Variants in ACER1 observed in about 807,000 individuals in gnomAD.
ACER1 encodes alkaline ceramidase 1, also known as CTB-180A7.3.
ACER1 carries 28 observed loss-of-function variants against 24.9 expected under a neutral mutation model. The observed-to-expected ratio is 1.13, with a 90% confidence interval of 0.83 to 1.54. The LOEUF (loss-of-function observed/expected upper bound fraction) is 1.54, where lower values mean the gene tolerates loss of function less well. Among genes scored for constraint, ACER1 ranks in the 40% most tolerant of loss-of-function variants. The pLI, the probability that ACER1 is intolerant of heterozygous loss-of-function variation, is 0.00. For synonymous variants in ACER1, 132 were observed against 131.4 expected, an observed-to-expected ratio of 1.00 and a Z score of -0.03; for missense variants, 352 against 349.3, an observed-to-expected ratio of 1.01 and a Z score of -0.06.
chr19:6,331,216 C>G (rs1021227529), intron 1 of ACER1, among the ~76,000 whole-genome samples: 8 of 145,236 alleles, frequency 5.5e-5, no homozygotes, highest in Non-Finnish European at 1.2e-4. Context: ...GTGACACAAT[C>G]TTGGCTCACT....
chr19:6,335,900 TC>T (rs2091712629), upstream of ACER1, among the ~76,000 whole-genome samples: 1 of 147,722 alleles, frequency 6.8e-6, no homozygotes, highest in Non-Finnish European at 1.5e-5. Context: ...TTTTTCTTTT[TC>T]TTTTCTTTTT....
chr19:6,342,704 G>A, the ACER1 span, among the ~76,000 whole-genome samples: 8,587 of 151,826 alleles, frequency 0.057, 401 homozygotes, highest in African/African-American at 0.13. Flanking sequence ...GAGCAACAGA[G>A]CAAGACTCAA....
At chr19:6,329,285 G>A (rs1264735532) in intron 1 of ACER1, among the ~76,000 whole-genome samples, 1 of 151,968 alleles carries the variant, frequency 6.6e-6, no homozygotes, top group Admixed American at 6.6e-5. Flanking sequence ...GAAGGTCTTG[G>A]GGAAGCCCTT....
chr19:6,340,152 G>A, the ACER1 span, among the ~76,000 whole-genome samples: 4 of 151,302 alleles, frequency 2.6e-5, no homozygotes, highest in Admixed American at 6.6e-5. Flanking sequence ...GTGGTGGTGC[G>A]TGCCTGTAAT....
Position 6,309,750 on chromosome 19 carries a change from G to A in ACER1, c.435C>T (p.Ala145=). 1 of 1,614,114 alleles carries A rather than the reference G, an allele frequency of 6.2e-7. No homozygotes were observed. The highest frequency in any genetic ancestry group is 8.5e-7 in the Non-Finnish European group (1 of 1,180,014). ...GAATGTGCAGGGCAATGCTGTTGAG[G>A]GCGTAGGCGTTGACCGTGGGCCGCA... The part of the protein sequence containing the change: ...SFLRPTVNAY[A]LNSIALHILY... Residue 145 remains alanine (A), a synonymous_variant, in exon 4 of 6, where the codon GCC becomes GCT. Transcript: ENST00000301452.
chr19:6,354,024 A>T, the ACER1 span, among the ~76,000 whole-genome samples: 3 of 151,448 alleles, frequency 2.0e-5, no homozygotes, highest in African/African-American at 7.3e-5. Context: ...TCTACTAAAA[A>T]TACAAAAATT....
chr19:6,321,961 G>A (rs1208930306), intron 1 of ACER1, among the ~76,000 whole-genome samples: 1 of 152,104 alleles, frequency 6.6e-6, no homozygotes, highest in East Asian at 1.9e-4. Context: ...AGAGCCTGGA[G>A]CAGAGCCTGG....
At chr19:6,323,733 A>C (rs2091644624) in intron 1 of ACER1, among the ~76,000 whole-genome samples, 1 of 152,214 alleles carries the variant, frequency 6.6e-6, no homozygotes, top group Non-Finnish European at 1.5e-5. Flanking sequence ...GGCACACCAG[A>C]GGCGTCCAGT....
intron 1 of ACER1, among the ~76,000 whole-genome samples, chr19:6,332,059 T>A (rs1021011936): frequency 6.6e-6 from 1 of 150,476 alleles, no homozygotes. Flanking sequence ...CTCCGCCTCC[T>A]GGGTTCAAGC....
At chr19:6,358,441 C>A in the ACER1 span, among the ~76,000 whole-genome samples, 1 of 152,108 alleles carries the variant, frequency 6.6e-6, no homozygotes, top group Non-Finnish European at 1.5e-5. Flanking sequence ...GCAGTCCCCT[C>A]GAGGTTACAG....
intron 4 of ACER1, 85 bp from the exon 5 acceptor site, chr19:6,307,375 T>C (rs1200589163): frequency 6.7e-7 from 1 of 1,496,666 alleles, no homozygotes. Context: ...TCCACAGTGA[T>C]GAGGCTCAGA....
intron 1 of ACER1, among the ~76,000 whole-genome samples, chr19:6,320,620 C>T (rs1426272069): frequency 6.6e-6 from 1 of 152,042 alleles, no homozygotes; most frequent in East Asian, 1.9e-4. Flanking sequence ...CCAAAATGCA[C>T]ACAATTAATT....
upstream of ACER1, among the ~76,000 whole-genome samples, chr19:6,334,847 T>C (rs886495033): frequency 2.6e-5 from 4 of 151,516 alleles, no homozygotes; most frequent in African/African-American, 7.3e-5. Context: ...GTTTTCTTTT[T>C]TTTTTTGAGA....
intron 1 of ACER1, among the ~76,000 whole-genome samples, chr19:6,333,134 C>T (rs937436951): frequency 6.6e-6 from 1 of 152,098 alleles, no homozygotes; most frequent in African/African-American, 2.4e-5. Flanking sequence ...CTGCCTCCCC[C>T]TACCACAGCT....
chr19:6,337,518 ATC>A (rs1353689971), upstream of ACER1, among the ~76,000 whole-genome samples: 2 of 148,364 alleles, frequency 1.3e-5, no homozygotes, highest in East Asian at 4.0e-4. Context: ...CAATGGCATG[ATC>A]TCGGCTCACT....
chr19:6,357,511 C>T, the ACER1 span, among the ~76,000 whole-genome samples: 6 of 151,962 alleles, frequency 3.9e-5, no homozygotes, highest in Non-Finnish European at 8.8e-5. Flanking sequence ...GTGGTTCACA[C>T]CTGTAATCTG....
chr19:6,313,470 C>A (rs914519334), intron 1 of ACER1, among the ~76,000 whole-genome samples: 2 of 152,196 alleles, frequency 1.3e-5, no homozygotes, highest in Admixed American at 6.6e-5. Flanking sequence ...ACACAGCTTA[C>A]CCAGTGAAAG....
the ACER1 span, among the ~76,000 whole-genome samples, chr19:6,339,362 C>T: frequency 1.2e-4 from 18 of 152,026 alleles, no homozygotes; most frequent in East Asian, 3.3e-3. Context: ...ATAAGCCAGA[C>T]ATAAAAGGAC....
At chr19:6,341,777 C>T in the ACER1 span, among the ~76,000 whole-genome samples, 11 of 152,094 alleles carry the variant, frequency 7.2e-5, no homozygotes, top group African/African-American at 1.9e-4. Flanking sequence ...TACAGGCACC[C>T]GCCACCATGC....
Sources: gnomAD v4.1 joint callset for allele counts (sites outside exome capture counted in the v4.1 genomes callset) on GRCh38, gnomAD v4.1.1 for gene constraint, MANE v1.5 for transcripts, NCBI Gene and HGNC (gene_info 2026-07-23, HGNC 2026-07-21) for gene names.